The following UBE2E2 variants were observed in gnomAD, a reference collection of about 807,000 sequenced individuals.
UBE2E2 encodes ubiquitin conjugating enzyme E2 E2, also known as ubiquitin-conjugating enzyme E2 E2.
A neutral mutation model predicts 24.7 loss-of-function variants in UBE2E2; 6 were observed. The ratio of observed to expected loss-of-function variants is 0.24; its 90% confidence interval spans 0.13 to 0.48. UBE2E2 has a LOEUF of 0.48. Among genes scored for constraint, UBE2E2 ranks in the 20% least tolerant of loss-of-function variants. The pLI is 0.99. For missense variants in UBE2E2, 169 were observed against 245.0 expected, an observed-to-expected ratio of 0.69 and a Z score of 2.07; for synonymous variants, 104 against 83.6, an observed-to-expected ratio of 1.24 and a Z score of -1.33.
At chr3:23,273,617 C>T (rs938223036) in intron 3 of UBE2E2, among the ~76,000 whole-genome samples, 1 of 151,848 alleles carries the variant, frequency 6.6e-6, no homozygotes, top group African/African-American at 2.4e-5. Flanking sequence ...AAATTGGTTT[C>T]ATTATATATG....
chr3:23,462,656 A>G (rs778474), intron 3 of UBE2E2, among the ~76,000 whole-genome samples: 1 of 152,170 alleles, frequency 6.6e-6, no homozygotes, highest in Non-Finnish European at 1.5e-5. Flanking sequence ...GGCTGAAGAA[A>G]GGACCAGACC....
intron 3 of UBE2E2, among the ~76,000 whole-genome samples, chr3:23,231,249 AT>A (rs1339434478): frequency 6.6e-6 from 1 of 152,070 alleles, no homozygotes; most frequent in Non-Finnish European, 1.5e-5. Context: ...GTGGTAGGTA[AT>A]TTATATACTT....
At chr3:23,582,860 A>AGTGTGTGTGTGTGTGTGTGT (rs58053821) in intron 5 of UBE2E2, among the ~76,000 whole-genome samples, 12 of 116,798 alleles carry the variant, frequency 1.0e-4, no homozygotes, top group African/African-American at 3.5e-4. Flanking sequence ...TATTCTGTTG[A>AGTGTGTGTGTGTGTGTGTGT]GTGTGTGTGT....
chr3:23,380,104 A>C (rs1251222979), intron 3 of UBE2E2, among the ~76,000 whole-genome samples: 14 of 142,742 alleles, frequency 9.8e-5, no homozygotes, highest in Non-Finnish European at 1.5e-4. Flanking sequence ...AAAAAAAAAA[A>C]CCCTGAAATT....
At chr3:23,203,289 CG>C, upstream of UBE2E2, 1 of 987,458 alleles carries the variant, frequency 1.0e-6, no homozygotes, top group Non-Finnish European at 1.2e-6. Flanking sequence ...GCGAGCGCGG[CG>C]GGGACAGGCG....
Position 23,583,236 on chromosome 3 carries a change from C to T in UBE2E2, c.509-6498C>T, listed in dbSNP as rs751461480. On this transcript the variant is annotated intron_variant, in intron 5 of 5. Coordinates refer to ENST00000396703, the MANE Select transcript of UBE2E2 (RefSeq NM_152653.4). This position sits in a 1 kb window ranked among gnomAD's most constrained non-coding sequence, Gnocchi z 4.1. ...TCAGCTTTGTCAAAGATCAGATGGTCGTAAATATGTGGCATTATTTCTGGG... is the reference window on the plus strand; with the variant it reads ...TCAGCTTTGTCAAAGATCAGATGGTTGTAAATATGTGGCATTATTTCTGGG... 2.8e-4 allele frequency among the ~76,000 whole-genome samples: 42 copies of T among 151,962 alleles called. No individual in the cohort carries two copies. The highest frequency in any genetic ancestry group is 4.3e-4 in the Non-Finnish European group (29 of 67,976).
intron 3 of UBE2E2, among the ~76,000 whole-genome samples, chr3:23,217,784 G>A (rs1469390055): frequency 6.6e-6 from 1 of 152,034 alleles, no homozygotes; most frequent in Non-Finnish European, 1.5e-5. Flanking sequence ...GTAAGAATGG[G>A]TGATTTGAGG....
chr3:23,485,551 A>C (rs1009264715), intron 3 of UBE2E2, among the ~76,000 whole-genome samples: 1 of 152,138 alleles, frequency 6.6e-6, no homozygotes, highest in Non-Finnish European at 1.5e-5. Flanking sequence ...ACAAACAAAA[A>C]AAAAACCTCT....
Position 23,360,670 on chromosome 3 carries a change from A to G in UBE2E2, c.228-138938A>G, listed in dbSNP as rs566345917. On this transcript the variant is annotated intron_variant, in intron 3 of 5. Transcript: ENST00000396703. ...GGTGTCAAATAAATGAGGTACAGCTATATTTTTGAAAGATTACCTGTTTGG... is the reference window on the plus strand; with the variant it reads ...GGTGTCAAATAAATGAGGTACAGCTGTATTTTTGAAAGATTACCTGTTTGG... 1.1e-4 allele frequency among the ~76,000 whole-genome samples: 16 copies of G among 152,270 alleles called. No homozygotes were observed. In the East Asian group the frequency reaches 2.1e-3, roughly 20 times the overall value.
chr3:23,418,148 C>T (rs181371862), intron 3 of UBE2E2, among the ~76,000 whole-genome samples: 7 of 152,278 alleles, frequency 4.6e-5, no homozygotes, highest in African/African-American at 7.2e-5. Context: ...CACAAATGGC[C>T]GTCCAGTTTT....
At chr3:23,424,221 A>G (rs1456085481) in intron 3 of UBE2E2, among the ~76,000 whole-genome samples, 1 of 152,176 alleles carries the variant, frequency 6.6e-6, no homozygotes, top group East Asian at 1.9e-4. Flanking sequence ...AGATAAATCT[A>G]AGAAATAAAA....
Position 23,499,745 on chromosome 3 carries a change from G to C in UBE2E2, c.360+5G>C. The C allele has an allele frequency of 6.2e-7, 1 of 1,607,718 alleles. No homozygotes were observed. On this transcript the variant is annotated splice_donor_5th_base_variant and intron_variant, in intron 4 of 5. Transcript: ENST00000396703. ...TATCCGTTTAAACCCCCTAAGGTCAGTATGAAGTTTTCATTGATTTTTAGC... is the reference window on the plus strand; with the variant it reads ...TATCCGTTTAAACCCCCTAAGGTCACTATGAAGTTTTCATTGATTTTTAGC...
intron 3 of UBE2E2, among the ~76,000 whole-genome samples, chr3:23,326,217 G>A (rs943965993): frequency 7.9e-5 from 12 of 151,994 alleles, no homozygotes; most frequent in Non-Finnish European, 1.6e-4. Context: ...GATTACAGGC[G>A]CCTGCCACCA....
intron 5 of UBE2E2, among the ~76,000 whole-genome samples, chr3:23,533,700 G>T (rs1029311347): frequency 7.8e-6 from 1 of 128,330 alleles, no homozygotes; most frequent in Non-Finnish European, 1.5e-5. Context: ...CTTGGCTCCC[G>T]CAACCTCCGC....
intron 5 of UBE2E2, among the ~76,000 whole-genome samples, chr3:23,584,184 T>A (rs1212965780): frequency 2.0e-5 from 3 of 152,216 alleles, no homozygotes; most frequent in Non-Finnish European, 4.4e-5. Flanking sequence ...ACGTGGTTTT[T>A]TGTTTGCGTT....
At chr3:23,475,831 A>C (rs1004254302) in intron 3 of UBE2E2, among the ~76,000 whole-genome samples, 5 of 152,208 alleles carry the variant, frequency 3.3e-5, no homozygotes, top group Middle Eastern at 3.4e-3. Flanking sequence ...TGCTAGGTAC[A>C]TCATGCCTGT....
intron 5 of UBE2E2, among the ~76,000 whole-genome samples, chr3:23,549,520 C>T (rs1695595650): frequency 6.6e-6 from 1 of 152,190 alleles, no homozygotes; most frequent in African/African-American, 2.4e-5. Flanking sequence ...AGCTCTCTCA[C>T]TAACTAGCTA....
At chr3:23,217,170 G>T in intron 2 of UBE2E2, 92 bp from the exon 3 acceptor site, 2 of 1,200,842 alleles carry the variant, frequency 1.7e-6, no homozygotes, top group South Asian at 1.3e-5. Flanking sequence ...ATATACCAAA[G>T]GGAAATGTTA....
intron 3 of UBE2E2, among the ~76,000 whole-genome samples, chr3:23,344,983 C>G (rs1695508798): frequency 6.6e-6 from 1 of 152,038 alleles, no homozygotes; most frequent in Non-Finnish European, 1.5e-5. Flanking sequence ...ATTGTGGACT[C>G]TCCCCCAGGT....
Sources: gnomAD v4.1 joint callset for allele counts (sites outside exome capture counted in the v4.1 genomes callset) on GRCh38, gnomAD v4.1.1 for gene constraint, Gnocchi (gnomAD v3.1) non-coding constraint, MANE v1.5 for transcripts, NCBI Gene and HGNC (gene_info 2026-07-23, HGNC 2026-07-21) for gene names.